THRB: variants seen among roughly 807,000 people sequenced by gnomAD.
THRB encodes the protein nuclear receptor subfamily 1 group A member 2.
THRB carries 12 observed loss-of-function variants against 47.8 expected under a neutral mutation model. The ratio of observed to expected loss-of-function variants is 0.25; its 90% CI spans 0.16 to 0.41. The LOEUF (loss-of-function observed/expected upper bound fraction) is 0.41, where lower values mean the gene tolerates loss of function less well. Among genes scored for constraint, THRB ranks in the 10% least tolerant of loss-of-function variants. THRB has a pLI of 1.00. For synonymous variants in THRB, 218 were observed against 212.2 expected, an observed-to-expected ratio of 1.03 and a Z score of -0.24; for missense variants, 348 against 589.2, an observed-to-expected ratio of 0.59 and a Z score of 4.24.
chr3:24,331,329 G>C (rs1048634685), intron 2 of THRB, among the ~76,000 whole-genome samples: 1 of 152,058 alleles, frequency 6.6e-6, no homozygotes, highest in Admixed American at 6.6e-5. Flanking sequence ...ATAAGAAAGG[G>C]AAAAAGGGAG....
At position 24,144,383 on chromosome 3, in the gene THRB, A is replaced by G. The variant is rs149269982; in HGVS notation, c.533-677T>C. ...GGAATCTAGAAAGACTTGGGTTTGA[A>G]TTCTGATATTATTACATTCTAGCTG... On this transcript the variant is annotated intron_variant, in intron 7 of 10. Transcript: ENST00000646209. 205 of 153,164 alleles carry G rather than the reference A, an allele frequency of 1.3e-3. 1 individual carries two copies. The highest frequency in any genetic ancestry group is 2.5e-3 in the Non-Finnish European group (172 of 68,664). 9.5% of individuals were successfully genotyped at this position (153,164 alleles called of 1,614,324 possible).
intron 5 of THRB, among the ~76,000 whole-genome samples, chr3:24,154,702 T>C (rs1233765482): frequency 6.6e-6 from 1 of 152,120 alleles, no homozygotes. Context: ...ACAAAGTAAC[T>C]CAATTAGGAA....
chr3:24,272,718 T>C (rs1010689631), intron 3 of THRB, among the ~76,000 whole-genome samples: 4 of 152,188 alleles, frequency 2.6e-5, no homozygotes, highest in African/African-American at 9.6e-5. Flanking sequence ...AGTTTCTTTT[T>C]TGACATCATA....
chr3:24,443,607 A>G (rs1179157370), intron 1 of THRB, among the ~76,000 whole-genome samples: 1 of 152,222 alleles, frequency 6.6e-6, no homozygotes, highest in East Asian at 1.9e-4. Flanking sequence ...ACATTTCATC[A>G]GGGCCAAGTA....
chr3:24,485,085 A>T (rs1697087909), intron 1 of THRB, among the ~76,000 whole-genome samples: 1 of 152,368 alleles, frequency 6.6e-6, no homozygotes, highest in African/African-American at 2.4e-5. Flanking sequence ...ACACTAAATA[A>T]TGAAACTCAA....
intron 1 of THRB, among the ~76,000 whole-genome samples, chr3:24,470,787 T>C (rs1201591688): frequency 6.6e-6 from 1 of 152,178 alleles, no homozygotes; most frequent in African/African-American, 2.4e-5. Flanking sequence ...CGGCTAATTT[T>C]TGTATTTTTA....
chr3:24,179,085 TG>T (rs1163379345), intron 5 of THRB, among the ~76,000 whole-genome samples: 2 of 152,134 alleles, frequency 1.3e-5, no homozygotes. Flanking sequence ...AAAATAAGAT[TG>T]GTATAGAGGA....
chr3:24,237,437 C>T (rs1185576889), intron 3 of THRB, among the ~76,000 whole-genome samples: 1 of 152,102 alleles, frequency 6.6e-6, no homozygotes, highest in Admixed American at 6.6e-5. Context: ...TTCCACTCCA[C>T]CCACTCTCTC....
Position 24,417,138 on chromosome 3 carries a change from A to ACG in THRB, c.-261+77512_-261+77513dup, listed in dbSNP as rs1553752920. ...CACACACACACACACACACACACAC[A>ACG]CGCGCAACGCGTTATGACTGCTTTA... On this transcript the variant is annotated intron_variant, in intron 1 of 10. Transcript: ENST00000646209. 7.3e-5 allele frequency among the ~76,000 whole-genome samples: 11 copies of ACG among 151,206 alleles called. No individual in the cohort carries two copies. The South Asian group carries it at 8.3e-4, about 11-fold the overall frequency.
intron 1 of THRB, among the ~76,000 whole-genome samples, chr3:24,482,365 T>G (rs947203985): frequency 3.3e-5 from 5 of 152,172 alleles, no homozygotes; most frequent in African/African-American, 1.2e-4. Flanking sequence ...TGATTGAAGT[T>G]CAAAGAGATT....
intron 1 of THRB, among the ~76,000 whole-genome samples, chr3:24,453,139 C>T (rs2072831156): frequency 6.6e-6 from 1 of 152,176 alleles, no homozygotes; most frequent in Non-Finnish European, 1.5e-5. Context: ...AACTTCCCTC[C>T]TCTTCTCCAT....
At chr3:24,162,870 GA>G (rs1384274855) in intron 5 of THRB, among the ~76,000 whole-genome samples, 1 of 151,256 alleles carries the variant, frequency 6.6e-6, no homozygotes. Flanking sequence ...CTGTATATTA[GA>G]AAATAAAGGC....
At position 24,266,615 on chromosome 3, in the gene THRB, C is replaced by T. The variant is rs142838346; in HGVS notation, c.-43+30611G>A. Among the ~76,000 whole-genome samples, 15 of 152,226 alleles carry T rather than the reference C, an allele frequency of 9.9e-5. No individual in the cohort carries two copies. In the East Asian group the frequency reaches 1.5e-3, roughly 16 times the overall value. On this transcript the variant is annotated intron_variant, in intron 3 of 10. Transcript: ENST00000646209. ...TCCACTGCAGCTGATGGAAGGGACT[C>T]GGGTTTAGCACATCGAATGGGATTT...
intron 3 of THRB, among the ~76,000 whole-genome samples, chr3:24,252,274 G>C (rs985708477): frequency 6.6e-6 from 1 of 151,962 alleles, no homozygotes; most frequent in African/African-American, 2.4e-5. Context: ...GTGCAGTATT[G>C]GTGCATGAAA....
intron 9 of THRB, among the ~76,000 whole-genome samples, chr3:24,131,155 T>A (rs1053456347): frequency 1.4e-4 from 22 of 152,228 alleles, no homozygotes; most frequent in Non-Finnish European, 2.6e-4. Context: ...CATTGTGGTA[T>A]GCATTATATT....
At position 24,243,876 on chromosome 3, in the gene THRB, TG is replaced by T. The variant is rs528430551; in HGVS notation, c.-42-14876del. Among the ~76,000 whole-genome samples the T allele has an allele frequency of 5.1e-4, 75 of 147,570 alleles. No homozygotes were observed. The South Asian group carries it at 0.016, about 32-fold the overall frequency. ...CTCGTTAAATGGAGAACACCCTTGT[TG>T]GGGGTGCTAGGGACAGGTGCTGAAT... On this transcript the variant is annotated intron_variant, in intron 3 of 10. Transcript: ENST00000646209.
intron 1 of THRB, among the ~76,000 whole-genome samples, chr3:24,484,415 A>C (rs1232435089): frequency 2.0e-5 from 3 of 152,188 alleles, no homozygotes; most frequent in African/African-American, 7.2e-5. Flanking sequence ...CAGATATCAA[A>C]AGCTCTTTAG....
chr3:24,261,619 T>C (rs1275947532), intron 3 of THRB, among the ~76,000 whole-genome samples: 2 of 152,132 alleles, frequency 1.3e-5, no homozygotes, highest in Non-Finnish European at 2.9e-5. Flanking sequence ...CTGATTCCAA[T>C]TTCTTTCCTG....
intron 2 of THRB, among the ~76,000 whole-genome samples, chr3:24,308,600 A>C (rs2057526575): frequency 6.6e-6 from 1 of 152,176 alleles, no homozygotes; most frequent in African/African-American, 2.4e-5. Context: ...AGAATGGAAA[A>C]TTGTTTTATT....
Sources: gnomAD v4.1 joint callset for allele counts (sites outside exome capture counted in the v4.1 genomes callset) on GRCh38, gnomAD v4.1.1 for gene constraint, MANE v1.5 for transcripts, NCBI Gene and HGNC (gene_info 2026-07-23, HGNC 2026-07-21) for gene names.